CTNNA3: variants seen among roughly 807,000 people sequenced by gnomAD.
CTNNA3 encodes catenin alpha 3, also known as catenin alpha-3.
CTNNA3 carries 76 observed loss-of-function variants against 95.7 expected under a neutral mutation model. The observed-to-expected ratio is 0.79, with a 90% CI of 0.66 to 0.96. The LOEUF (loss-of-function observed/expected upper bound fraction) is 0.96, where lower values mean the gene tolerates loss of function less well. Among genes scored for constraint, CTNNA3 ranks in the 40% least tolerant of loss-of-function variants. The pLI, the probability that CTNNA3 is intolerant of heterozygous loss-of-function variation, is 0.00. For synonymous variants in CTNNA3, 431 were observed against 374.4 expected (o/e 1.15, Z -1.74); for missense variants, 1,191 against 1,089.8 (o/e 1.09, Z -1.31).
chr10:67,321,038 G>A (rs931056553), intron 5 of CTNNA3, among the ~76,000 whole-genome samples: 2 of 152,026 alleles, frequency 1.3e-5, no homozygotes, highest in Non-Finnish European at 2.9e-5. Context: ...AACGCTTTTG[G>A]TTCCATTAAA....
chr10:67,466,776 G>T (rs1044396890), intron 5 of CTNNA3, among the ~76,000 whole-genome samples: 1 of 152,152 alleles, frequency 6.6e-6, no homozygotes, highest in African/African-American at 2.4e-5. Flanking sequence ...ACAAACAGTT[G>T]TTTGTCTTTC....
intron 7 of CTNNA3, among the ~76,000 whole-genome samples, chr10:66,934,849 T>C (rs1375096355): frequency 6.6e-6 from 1 of 152,164 alleles, no homozygotes; most frequent in Non-Finnish European, 1.5e-5. Context: ...ATTACATCTA[T>C]GCAGGGTGGA....
At chr10:67,067,079 T>G (rs2131835660) in intron 7 of CTNNA3, among the ~76,000 whole-genome samples, 1 of 152,296 alleles carries the variant, frequency 6.6e-6, no homozygotes, top group East Asian at 1.9e-4. Flanking sequence ...TTTGAGTATA[T>G]TTGTGTGATC....
chr10:66,973,798 T>C (rs1232137295), intron 7 of CTNNA3, among the ~76,000 whole-genome samples: 1 of 152,086 alleles, frequency 6.6e-6, no homozygotes, highest in Non-Finnish European at 1.5e-5. Flanking sequence ...TAATTTTTTG[T>C]ATTTTTACTG....
chr10:66,377,058 C>T (rs1026393811), intron 12 of CTNNA3, among the ~76,000 whole-genome samples: 3 of 151,988 alleles, frequency 2.0e-5, no homozygotes, highest in South Asian at 2.1e-4. Flanking sequence ...GCTCAGAATT[C>T]CTTTTAGTAA....
chr10:67,531,893 A>G (rs1840340072), intron 4 of CTNNA3, among the ~76,000 whole-genome samples: 1 of 152,136 alleles, frequency 6.6e-6, no homozygotes, highest in South Asian at 2.1e-4. Flanking sequence ...ATAGTGGAAG[A>G]GTCTCAGGAG....
At chr10:67,698,253 G>A (rs1841004203), upstream of CTNNA3, among the ~76,000 whole-genome samples, 1 of 151,726 alleles carries the variant, frequency 6.6e-6, no homozygotes, top group African/African-American at 2.4e-5. Flanking sequence ...AAAAAAAAGA[G>A]AGAAAAAAGA....
intron 5 of CTNNA3, among the ~76,000 whole-genome samples, chr10:67,512,472 G>A (rs946418569): frequency 3.9e-5 from 6 of 152,136 alleles, no homozygotes; most frequent in African/African-American, 1.2e-4. Flanking sequence ...GATAGTCAAG[G>A]TATAGAAACA....
At chr10:66,265,512 A>T (rs2091125719) in intron 13 of CTNNA3, among the ~76,000 whole-genome samples, 1 of 151,988 alleles carries the variant, frequency 6.6e-6, no homozygotes, top group African/African-American at 2.4e-5. Flanking sequence ...AAAATGTCAA[A>T]ATAACTTATT....
intron 2 of CTNNA3, among the ~76,000 whole-genome samples, chr10:67,632,476 T>C (rs1487831229): frequency 1.3e-5 from 2 of 152,050 alleles, no homozygotes; most frequent in African/African-American, 4.8e-5. Context: ...CACCTTCAAC[T>C]GAAGTATCCA....
intron 7 of CTNNA3, among the ~76,000 whole-genome samples, chr10:67,053,245 A>C (rs1855220670): frequency 6.6e-6 from 1 of 152,188 alleles, no homozygotes; most frequent in Non-Finnish European, 1.5e-5. Context: ...CCTACACACT[A>C]GGATGCAGTG....
intron 9 of CTNNA3, among the ~76,000 whole-genome samples, chr10:66,628,093 A>C (rs1362530125): frequency 6.6e-6 from 1 of 152,094 alleles, no homozygotes; most frequent in Non-Finnish European, 1.5e-5. Flanking sequence ...CTTGAGGGTA[A>C]AGACGATGAT....
chr10:67,486,216 G>A (rs1172913689), intron 5 of CTNNA3, among the ~76,000 whole-genome samples: 1 of 152,124 alleles, frequency 6.6e-6, no homozygotes, highest in Non-Finnish European at 1.5e-5. Context: ...AAATACATAG[G>A]CGTGCTGGAT....
At chr10:67,274,679 A>C (rs548143309) in intron 5 of CTNNA3, among the ~76,000 whole-genome samples, 1 of 152,072 alleles carries the variant, frequency 6.6e-6, no homozygotes, top group Non-Finnish European at 1.5e-5. Flanking sequence ...ATACAAAAAA[A>C]TTAGCTGAGC....
chr10:66,468,078 G>A (rs920592108), intron 11 of CTNNA3, among the ~76,000 whole-genome samples: 1 of 151,954 alleles, frequency 6.6e-6, no homozygotes, highest in South Asian at 2.1e-4. Context: ...TACTATAATA[G>A]AGAAAATAGC....
At chr10:66,890,087 G>A (rs1192233074) in intron 7 of CTNNA3, among the ~76,000 whole-genome samples, 10 of 152,068 alleles carry the variant, frequency 6.6e-5, no homozygotes, top group Admixed American at 1.3e-4. Context: ...CACCGCACCC[G>A]GCCGGAACCA....
intron 6 of CTNNA3, among the ~76,000 whole-genome samples, chr10:67,191,693 C>A (rs1368982120): frequency 6.6e-6 from 1 of 151,676 alleles, no homozygotes; most frequent in African/African-American, 2.4e-5. Flanking sequence ...TCTATAGAGT[C>A]AAAACAATCT....
chr10:66,292,243 C>T (rs182643513), intron 12 of CTNNA3, among the ~76,000 whole-genome samples: 65 of 152,168 alleles, frequency 4.3e-4, no homozygotes, highest in Admixed American at 1.3e-3. Flanking sequence ...CCTGCTGATT[C>T]GGCCTCTCAA....
At chr10:66,745,587 CTTTTTTTTT>C (rs368932444) in intron 9 of CTNNA3, among the ~76,000 whole-genome samples, 3 of 109,648 alleles carry the variant, frequency 2.7e-5, no homozygotes, top group Non-Finnish European at 5.3e-5. Flanking sequence ...TGCAGACAGC[CTTTTTTTTT>C]TTTTTTTTTT....
Sources: gnomAD v4.1 joint callset for allele counts (sites outside exome capture counted in the v4.1 genomes callset) on GRCh38, gnomAD v4.1.1 for gene constraint, MANE v1.5 for transcripts, NCBI Gene and HGNC (gene_info 2026-07-23, HGNC 2026-07-21) for gene names.